Variants in TMEM117 observed in about 807,000 individuals in gnomAD.
The protein encoded by TMEM117 is transmembrane protein 117.
In TMEM117, 27 loss-of-function variants were observed where a neutral mutation model predicts 52.4. The observed-to-expected ratio is 0.51, with a 90% CI of 0.38 to 0.71. The LOEUF is 0.71. Ranked by LOEUF, TMEM117 falls within the 30% of genes least tolerant of loss-of-function variation. The probability of loss-of-function intolerance (pLI) is 0.00; values close to 1 mark genes in which losing one functional copy is unlikely to be tolerated. For missense variants in TMEM117, 556 were observed against 630.5 expected (o/e 0.88, Z 1.26); for synonymous variants, 215 against 206.3 (o/e 1.04, Z -0.36).
chr12:44,077,510 C>A lies in TMEM117; in HGVS notation c.411-66015C>A, dbSNP rs573376501. On this transcript the variant is annotated intron_variant, in intron 3 of 7. Coordinates refer to ENST00000266534, the MANE Select transcript of TMEM117 (RefSeq NM_032256.3). Reference sequence around the variant, plus strand: ...TGGCTTGAACTACTACATTTTCCAGCCCTTTAACGTGGCCAAACATCATGT... The same window carrying A: ...TGGCTTGAACTACTACATTTTCCAGACCTTTAACGTGGCCAAACATCATGT... Among the ~76,000 whole-genome samples, 98 of 151,384 alleles carry A rather than the reference C, an allele frequency of 6.5e-4. 1 individual carries two copies. The highest frequency in any genetic ancestry group is 2.3e-3 in the African/African-American group (92 of 40,744).
At chr12:43,874,945 G>A (rs1943768483) in intron 2 of TMEM117, among the ~76,000 whole-genome samples, 1 of 152,180 alleles carries the variant, frequency 6.6e-6, no homozygotes, top group African/African-American at 2.4e-5. Flanking sequence ...TGGGGATGCA[G>A]GTGGGAATTA....
chr12:44,097,747 G>T (rs1947794030), intron 3 of TMEM117, among the ~76,000 whole-genome samples: 1 of 126,244 alleles, frequency 7.9e-6, no homozygotes, highest in South Asian at 2.2e-4. Flanking sequence ...GATAGCATTA[G>T]GAGATATACC....
intron 4 of TMEM117, among the ~76,000 whole-genome samples, chr12:44,191,049 T>C (rs1949346118): frequency 6.6e-6 from 1 of 151,684 alleles, no homozygotes; most frequent in Non-Finnish European, 1.5e-5. Flanking sequence ...TTTAATTAAC[T>C]CACAACTCAG....
At chr12:43,826,415 A>G in the TMEM117 span, among the ~76,000 whole-genome samples, 1 of 152,118 alleles carries the variant, frequency 6.6e-6, no homozygotes, top group Non-Finnish European at 1.5e-5. Flanking sequence ...CATATTTCCA[A>G]TTGCCAGCTG....
chr12:44,087,067 CAA>C (rs1375330351), intron 3 of TMEM117, among the ~76,000 whole-genome samples: 2 of 148,226 alleles, frequency 1.3e-5, no homozygotes, highest in Non-Finnish European at 3.0e-5. Context: ...AGAACCAAGC[CAA>C]AGAGTATGAT....
chr12:44,132,803 G>A (rs896273140), intron 3 of TMEM117, among the ~76,000 whole-genome samples: 1 of 151,978 alleles, frequency 6.6e-6, no homozygotes, highest in Non-Finnish European at 1.5e-5. Flanking sequence ...TACTTCTAGG[G>A]TGCTGTTTAC....
intron 3 of TMEM117, among the ~76,000 whole-genome samples, chr12:43,946,406 T>TTG (rs147787124): frequency 7.6e-6 from 1 of 131,834 alleles, no homozygotes; most frequent in African/African-American, 2.8e-5. Flanking sequence ...TTTGTTTTTT[T>TTG]ATCTAGAGCT....
chr12:43,988,989 C>A (rs1945893607), intron 3 of TMEM117, among the ~76,000 whole-genome samples: 1 of 151,970 alleles, frequency 6.6e-6, no homozygotes, highest in Non-Finnish European at 1.5e-5. Context: ...CTAAGTGGGG[C>A]AATGTTTTCA....
At chr12:44,031,324 T>C (rs1946629611) in intron 3 of TMEM117, among the ~76,000 whole-genome samples, 1 of 152,184 alleles carries the variant, frequency 6.6e-6, no homozygotes, top group Non-Finnish European at 1.5e-5. Flanking sequence ...TTGTCAATTG[T>C]GTTTTTGACT....
chr12:44,306,643 A>AT (rs967752060), intron 6 of TMEM117, among the ~76,000 whole-genome samples: 18 of 152,232 alleles, frequency 1.2e-4, no homozygotes, highest in African/African-American at 3.9e-4. Context: ...TGTTTTATCA[A>AT]TTTTTTCATT....
chr12:43,823,882 T>C, the TMEM117 span, among the ~76,000 whole-genome samples: 1 of 152,240 alleles, frequency 6.6e-6, no homozygotes, highest in Admixed American at 6.5e-5. Context: ...GTTCAAATGC[T>C]AATTTCCTAT....
chr12:43,804,152 C>G, the TMEM117 span: 2 of 382,486 alleles, frequency 5.2e-6, no homozygotes, highest in Admixed American at 3.3e-5. Flanking sequence ...TCACAAGTAA[C>G]TATTTTTTTT....
chr12:44,106,905 A>G (rs907496287), intron 3 of TMEM117, among the ~76,000 whole-genome samples: 1 of 152,022 alleles, frequency 6.6e-6, no homozygotes, highest in African/African-American at 2.4e-5. Flanking sequence ...AACAGAGTTT[A>G]TAAAGTACTT....
At chr12:43,820,718 C>T in the TMEM117 span, among the ~76,000 whole-genome samples, 1 of 152,076 alleles carries the variant, frequency 6.6e-6, no homozygotes, top group Non-Finnish European at 1.5e-5. Context: ...GCAGGAAGGG[C>T]ACTGCTTACT....
chr12:44,279,073 A>C (rs1010954078), intron 5 of TMEM117, among the ~76,000 whole-genome samples: 3 of 152,224 alleles, frequency 2.0e-5, no homozygotes, highest in African/African-American at 7.2e-5. Context: ...TTTGTATCTT[A>C]TAATTTTGTG....
the TMEM117 span, among the ~76,000 whole-genome samples, chr12:43,818,962 T>G: frequency 2.0e-5 from 3 of 152,206 alleles, no homozygotes; most frequent in African/African-American, 7.2e-5. Flanking sequence ...CAGTGCCACA[T>G]CACTCTAACA....
intron 2 of TMEM117, 110 bp downstream of exon 2, chr12:43,845,038 C>A: frequency 7.8e-7 from 1 of 1,278,816 alleles, no homozygotes; most frequent in Non-Finnish European, 1.1e-6. Context: ...TTTAGTTTGT[C>A]CTCCTGCCTT....
intron 3 of TMEM117, among the ~76,000 whole-genome samples, chr12:44,086,630 C>T (rs1947571651): frequency 6.6e-6 from 1 of 152,030 alleles, no homozygotes; most frequent in Admixed American, 6.6e-5. Flanking sequence ...ACCTGCTTTG[C>T]TTTCTCAGTT....
In TMEM117 at chr12:44,041,704, T is replaced by A. The variant is rs141375107; in HGVS notation, c.410+97362T>A. On this transcript the variant is annotated intron_variant, in intron 3 of 7. Coordinates refer to ENST00000266534, the MANE Select transcript of TMEM117 (RefSeq NM_032256.3). ...TTCAGACCAATATCCCTGATGAACATAGATACAAAATTCCTCAAAAAATAT... is the reference window on the plus strand; with the variant it reads ...TTCAGACCAATATCCCTGATGAACAAAGATACAAAATTCCTCAAAAAATAT... Among the ~76,000 whole-genome samples, 200 of 152,192 alleles carry A rather than the reference T, an allele frequency of 1.3e-3. 1 individual carries two copies. The highest frequency in any genetic ancestry group is 4.3e-3 in the African/African-American group (177 of 41,538).
Sources: gnomAD v4.1 joint callset for allele counts (sites outside exome capture counted in the v4.1 genomes callset) on GRCh38, gnomAD v4.1.1 for gene constraint, MANE v1.5 for transcripts, NCBI Gene and HGNC (gene_info 2026-07-23, HGNC 2026-07-21) for gene names.